UCK2: variants seen among roughly 807,000 people sequenced by gnomAD.
UCK2 encodes the protein uridine-cytidine kinase 2.
Under a neutral mutation model 30.8 loss-of-function variants are expected in UCK2, and 6 were observed. The ratio of observed to expected loss-of-function variants is 0.19; its 90% CI spans 0.11 to 0.38. The LOEUF (loss-of-function observed/expected upper bound fraction) is 0.38, where lower values mean the gene tolerates loss of function less well. Ranked by LOEUF, UCK2 falls within the 10% of genes least tolerant of loss-of-function variation. The probability of loss-of-function intolerance (pLI) is 1.00; values close to 1 mark genes in which losing one functional copy is unlikely to be tolerated. For synonymous variants in UCK2, 125 were observed against 133.6 expected, an observed-to-expected ratio of 0.94 and a Z score of 0.45; for missense variants, 210 against 339.8, an observed-to-expected ratio of 0.62 and a Z score of 3.00.
chr1:165,830,481 C>T (rs1481426812), intron 1 of UCK2, among the ~76,000 whole-genome samples: 10 of 151,800 alleles, frequency 6.6e-5, no homozygotes, highest in African/African-American at 1.2e-4. Context: ...CCCGCCACCA[C>T]GCCTGGCCAA....
chr1:165,862,942 T>C (rs1486295461), intron 1 of UCK2, among the ~76,000 whole-genome samples: 1 of 152,190 alleles, frequency 6.6e-6, no homozygotes, highest in Non-Finnish European at 1.5e-5. Context: ...AGAAAAACTT[T>C]ATTTTTTAGG....
At chr1:165,891,400 C>T (rs753731257) in intron 3 of UCK2, 78 bp downstream of exon 3, 49 of 1,350,972 alleles carry the variant, frequency 3.6e-5, no homozygotes, top group Admixed American at 8.6e-5. Flanking sequence ...GACCTCCTTC[C>T]TTACCTCTCG....
intron 1 of UCK2, among the ~76,000 whole-genome samples, chr1:165,870,034 A>G (rs1655156070): frequency 2.0e-5 from 3 of 152,090 alleles, no homozygotes; most frequent in Non-Finnish European, 4.4e-5. Flanking sequence ...GTAAGAAATC[A>G]TTGCCAAATC....
At chr1:165,870,826 C>CT (rs1234337237) in intron 1 of UCK2, among the ~76,000 whole-genome samples, 4 of 152,032 alleles carry the variant, frequency 2.6e-5, no homozygotes, top group Admixed American at 1.3e-4. Context: ...CCTTGTTAGT[C>CT]TTTTTTTTCG....
At chr1:165,862,749 A>T (rs1654950864) in intron 1 of UCK2, among the ~76,000 whole-genome samples, 1 of 152,172 alleles carries the variant, frequency 6.6e-6, no homozygotes, top group Non-Finnish European at 1.5e-5. Context: ...AAGACACTTA[A>T]ACCCTTAGTT....
chr1:165,889,241 A>C (rs1449473000), intron 1 of UCK2, among the ~76,000 whole-genome samples: 1 of 152,224 alleles, frequency 6.6e-6, no homozygotes, highest in Non-Finnish European at 1.5e-5. Flanking sequence ...GGACTGGAGC[A>C]AAAGTAACCA....
intron 4 of UCK2, chr1:165,897,979 G>A (rs1647327342): frequency 2.0e-5 from 3 of 152,172 alleles, no homozygotes; most frequent in Admixed American, 2.0e-4. Flanking sequence ...AGACAGGCCT[G>A]CTTTTAGTGT....
At chr1:165,869,389 G>T (rs1278284428) in intron 1 of UCK2, among the ~76,000 whole-genome samples, 1 of 152,034 alleles carries the variant, frequency 6.6e-6, no homozygotes, top group Non-Finnish European at 1.5e-5. Context: ...ATAAAATGAA[G>T]TATGCCTGTA....
intron 1 of UCK2, among the ~76,000 whole-genome samples, chr1:165,848,620 A>G (rs1654510458): frequency 6.6e-6 from 1 of 151,882 alleles, no homozygotes; most frequent in Non-Finnish European, 1.5e-5. Flanking sequence ...ATGACAGAGC[A>G]AGACTCTTGT....
intron 1 of UCK2, among the ~76,000 whole-genome samples, chr1:165,860,070 G>A (rs540964339): frequency 6.6e-6 from 1 of 152,304 alleles, no homozygotes; most frequent in East Asian, 1.9e-4. Flanking sequence ...TTTTGCTATA[G>A]TCCAGACTGC....
At chr1:165,852,866 T>A (rs1040331083) in intron 1 of UCK2, among the ~76,000 whole-genome samples, 11 of 152,224 alleles carry the variant, frequency 7.2e-5, no homozygotes, top group African/African-American at 2.7e-4. Context: ...CACAGCTCTA[T>A]GGAAACTACT....
At chr1:165,874,039 A>G (rs1029211716) in intron 1 of UCK2, among the ~76,000 whole-genome samples, 1 of 152,220 alleles carries the variant, frequency 6.6e-6, no homozygotes, top group Non-Finnish European at 1.5e-5. Flanking sequence ...TATCATTACC[A>G]GTAATTGCAG....
chr1:165,861,442 A>C (rs1654894669), intron 1 of UCK2, among the ~76,000 whole-genome samples: 1 of 151,482 alleles, frequency 6.6e-6, no homozygotes, highest in Admixed American at 6.6e-5. Context: ...TCCCGGCTAA[A>C]ACGGTGAAAC....
At chr1:165,865,577 C>T (rs575498990) in intron 1 of UCK2, among the ~76,000 whole-genome samples, 1 of 152,122 alleles carries the variant, frequency 6.6e-6, no homozygotes, top group African/African-American at 2.4e-5. Flanking sequence ...CGAAGATAGA[C>T]TTCCTATATT....
rs533926242 is a variant in UCK2 at position 165,885,705 on chromosome 1, C to T, written c.100-4499C>T. On this transcript the variant is annotated intron_variant, in intron 1 of 6. Transcript: ENST00000367879. Reference sequence around the variant, plus strand: ...TAAGTGTCTAGGCACTGGAGATGGACGGCTAGAGTGGGAATCCTGGCTCCA... The same window carrying T: ...TAAGTGTCTAGGCACTGGAGATGGATGGCTAGAGTGGGAATCCTGGCTCCA... Among the ~76,000 whole-genome samples, 37 of 152,290 alleles carry T rather than the reference C, an allele frequency of 2.4e-4. No individual in the cohort carries two copies. In the South Asian group the frequency reaches 6.0e-3, roughly 25 times the overall value.
At chr1:165,834,728 TG>T (rs1215117250) in intron 1 of UCK2, among the ~76,000 whole-genome samples, 1 of 152,176 alleles carries the variant, frequency 6.6e-6, no homozygotes, top group East Asian at 1.9e-4. Flanking sequence ...TTTCTTTTTT[TG>T]TTTTTTTTAA....
intron 1 of UCK2, among the ~76,000 whole-genome samples, chr1:165,859,302 G>A (rs1025969104): frequency 5.9e-5 from 9 of 152,134 alleles, no homozygotes; most frequent in Admixed American, 1.3e-4. Flanking sequence ...CCCTTCCTGC[G>A]CCCCGCCCCT....
At chr1:165,901,285 C>T (rs190069032) in intron 4 of UCK2, among the ~76,000 whole-genome samples, 2 of 152,292 alleles carry the variant, frequency 1.3e-5, no homozygotes, top group East Asian at 3.9e-4. Flanking sequence ...CTTCGTAAAT[C>T]GAGGAGCTGT....
At chr1:165,873,590 C>A (rs1005303853) in intron 1 of UCK2, among the ~76,000 whole-genome samples, 2 of 152,056 alleles carry the variant, frequency 1.3e-5, no homozygotes, top group Non-Finnish European at 1.5e-5. Context: ...GTGTGAAAAC[C>A]CTTTCTCCCG....
Sources: gnomAD v4.1 joint callset for allele counts (sites outside exome capture counted in the v4.1 genomes callset) on GRCh38, gnomAD v4.1.1 for gene constraint, MANE v1.5 for transcripts, NCBI Gene and HGNC (gene_info 2026-07-23, HGNC 2026-07-21) for gene names.